ABCB4: variants seen among roughly 807,000 people sequenced by gnomAD.
ABCB4 encodes the protein phosphatidylcholine translocator ABCB4.
ABCB4 carries 76 observed loss-of-function variants against 145.7 expected under a neutral mutation model. The observed-to-expected ratio is 0.52, with a 90% CI of 0.43 to 0.63. ABCB4 has a LOEUF of 0.63. Among genes scored for constraint, ABCB4 ranks in the 30% least tolerant of loss-of-function variants. The pLI is 0.00. For synonymous variants in ABCB4, 517 were observed against 566.8 expected (o/e 0.91, Z 1.25); for missense variants, 1,234 against 1,553.1 (o/e 0.79, Z 3.45).
rs45492600 is a variant in ABCB4 at position 87,402,982 on chromosome 7, C to T, written c.3633+153G>A. On this transcript the variant is annotated intron_variant, in intron 27 of 27. Transcript: ENST00000649586. ...CACTGCACTACAGCCTAGGCAACAACGAGACCCCGTCTCAAAAAAATAAAA... is the reference window on the plus strand; with the variant it reads ...CACTGCACTACAGCCTAGGCAACAATGAGACCCCGTCTCAAAAAAATAAAA... 4.9e-3 allele frequency among the ~76,000 whole-genome samples: 750 copies of T among 152,238 alleles called. 11 individuals are homozygous for T. The highest frequency in any genetic ancestry group is 0.016 in the African/African-American group (677 of 41,556).
At chr7:87,422,032 T>C in intron 18 of ABCB4, 89 bp downstream of exon 18, 1 of 951,380 alleles carries the variant, frequency 1.1e-6, no homozygotes, top group African/African-American at 1.7e-5. Context: ...TTTATTTCAC[T>C]GTAAGAATTT....
At position 87,454,422 on chromosome 7, in the gene ABCB4, T is replaced by C. The variant is rs4148818; in HGVS notation, c.344+113A>G. 0.21 allele frequency: 184,315 copies of C among 864,380 alleles called. 22,308 individuals are homozygous for C. The highest frequency in any genetic ancestry group is 0.46 in the African/African-American group (27,021 of 58,246). 53.5% of individuals were successfully genotyped at this position (864,380 alleles called of 1,614,324 possible). ...TGGGATTTGGGAGCAAAAATGATAA[T>C]AATAGGTGAATCTGGGTAAAGAGTA... On this transcript the variant is annotated intron_variant, in intron 5 of 27. Coordinates refer to ENST00000649586, the MANE Select transcript of ABCB4 (RefSeq NM_000443.4).
At chr7:87,403,763 G>T (rs45540833) in intron 26 of ABCB4, among the ~76,000 whole-genome samples, 5,778 of 152,210 alleles carry the variant, frequency 0.038, 183 homozygotes, top group Non-Finnish European at 0.053. Context: ...TGTGGTATAC[G>T]CAGTCTGTCA....
At chr7:87,401,013 G>A (rs45594235), downstream of ABCB4, among the ~76,000 whole-genome samples, 19 of 152,226 alleles carry the variant, frequency 1.2e-4, no homozygotes, top group African/African-American at 4.1e-4. Flanking sequence ...TTTTGTTTAC[G>A]AATAGATGCC....
At chr7:87,440,549 C>A in intron 12 of ABCB4, 147 bp from the exon 13 acceptor site, 1 of 682,010 alleles carries the variant, frequency 1.5e-6, no homozygotes, top group Admixed American at 2.9e-5. Context: ...TATGCAAGAA[C>A]AAAAATAAAA....
intron 20 of ABCB4, among the ~76,000 whole-genome samples, chr7:87,417,841 A>G (rs987182067): frequency 3.3e-5 from 5 of 152,234 alleles, no homozygotes; most frequent in Admixed American, 2.0e-4. Context: ...ACTAACTCCA[A>G]TGTACCTGGG....
Position 87,447,041 on chromosome 7 carries a change from G to A in ABCB4, c.998C>T (p.Ala333Val). 6.2e-7 allele frequency: 1 copy of A among 1,612,070 alleles called. No homozygotes were observed. Among genetic ancestry groups the A allele is most frequent in the Non-Finnish European group, 8.5e-7 (1 of 1,178,322 alleles). The change falls in exon 9 of 28, where the codon GCA (alanine) becomes GTA (valine). Residue 333 changes from alanine to valine, a missense_variant. Ala to Val is a moderately conservative substitution (Grantham distance 64). This residue lies in a region of ABCB4 where 467 missense variants were observed against 632.8 expected (regional missense o/e 0.74). Coordinates refer to ENST00000649586, the MANE Select transcript of ABCB4 (RefSeq NM_000443.4). ...GTTAGGAGAACTACTTACTGTCATTGCATTTCCAATAGTATATTCTTTTGA... is the reference window on the plus strand; with the variant it reads ...GTTAGGAGAACTACTTACTGTCATTACATTTCCAATAGTATATTCTTTTGA... ...VISKEYTIGN[A>V]MTVFFSILIG...
At chr7:87,369,676 A>ATGT in the ABCB4 span, 1 of 263,648 alleles carries the variant, frequency 3.8e-6, no homozygotes, top group African/African-American at 2.3e-5. Flanking sequence ...ATATATAAAT[A>ATGT]TGTTCACTTG....
chr7:87,433,815 G>C (rs1449557548), intron 14 of ABCB4, among the ~76,000 whole-genome samples: 1 of 152,012 alleles, frequency 6.6e-6, no homozygotes, highest in Non-Finnish European at 1.5e-5. Flanking sequence ...GGGATGAAAG[G>C]TGGGCCTAAA....
chr7:87,369,245 G>T, the ABCB4 span: 1 of 537,840 alleles, frequency 1.9e-6, no homozygotes, highest in Non-Finnish European at 3.4e-6. Flanking sequence ...TTTTTGTTAT[G>T]TGATATATTT....
chr7:87,430,322 T>C (rs1333718775), intron 15 of ABCB4, among the ~76,000 whole-genome samples: 4 of 152,150 alleles, frequency 2.6e-5, no homozygotes, highest in African/African-American at 9.7e-5. Flanking sequence ...AACAAAAATA[T>C]GTGTGTACAT....
the ABCB4 span, among the ~76,000 whole-genome samples, chr7:87,372,933 G>A: frequency 1.5e-4 from 23 of 152,148 alleles, no homozygotes; most frequent in East Asian, 5.8e-4. Context: ...TAATGCTGCC[G>A]TGACTATTGT....
At chr7:87,475,346 T>G in intron 2 of ABCB4, 40 bp downstream of exon 2, 1 of 1,610,568 alleles carries the variant, frequency 6.2e-7, no homozygotes, top group Non-Finnish European at 8.5e-7. Flanking sequence ...TCCTGCTGAT[T>G]GGCGTGTAAC....
At chr7:87,464,511 T>C (rs921568535) in intron 3 of ABCB4, among the ~76,000 whole-genome samples, 1 of 152,178 alleles carries the variant, frequency 6.6e-6, no homozygotes, top group Non-Finnish European at 1.5e-5. Flanking sequence ...AAGCACAGGG[T>C]CAGGTTGTTA....
chr7:87,418,305 G>C (rs1292136484), intron 20 of ABCB4, among the ~76,000 whole-genome samples: 1 of 152,224 alleles, frequency 6.6e-6, no homozygotes, highest in Non-Finnish European at 1.5e-5. Context: ...CAGGGAATCA[G>C]CCTTGGGATA....
chr7:87,404,379 G>T (rs555154116), intron 26 of ABCB4, among the ~76,000 whole-genome samples: 61 of 152,164 alleles, frequency 4.0e-4, no homozygotes, highest in Non-Finnish European at 7.2e-4. Flanking sequence ...AATGGATCAT[G>T]GACTGAAATT....
intron 3 of ABCB4, among the ~76,000 whole-genome samples, chr7:87,467,135 G>A (rs1243436633): frequency 6.6e-6 from 1 of 152,144 alleles, no homozygotes; most frequent in African/African-American, 2.4e-5. Context: ...ACCCATCAGT[G>A]TGCTGTATTC....
chr7:87,417,284 A>G (rs1174917056), intron 21 of ABCB4, 28 bp downstream of exon 21: 4 of 1,605,686 alleles, frequency 2.5e-6, no homozygotes, highest in Non-Finnish European at 3.4e-6. Context: ...ACAACACTTA[A>G]CACCAATTGA....
the ABCB4 span, chr7:87,375,964 A>C: frequency 6.8e-7 from 1 of 1,474,912 alleles, no homozygotes; most frequent in South Asian, 1.3e-5. Flanking sequence ...GTACTTAACT[A>C]CCTTCTCTTT....
Sources: allele counts gnomAD v4.1 joint callset (sites outside exome capture counted in the v4.1 genomes callset), GRCh38; gene constraint gnomAD v4.1.1; regional missense constraint gnomAD v4.1.1; transcripts MANE v1.5; gene names NCBI Gene and HGNC (gene_info 2026-07-23, HGNC 2026-07-21).